The following CHST15 variants were observed in gnomAD, a reference collection of about 807,000 sequenced individuals.
CHST15 encodes carbohydrate sulfotransferase 15, also known as B cell RAG associated protein (GALNAC4S-6ST).
Under a neutral mutation model 53.6 loss-of-function variants are expected in CHST15, and 30 were observed. The observed-to-expected ratio is 0.56, with a 90% CI of 0.42 to 0.76. CHST15 has a LOEUF of 0.76. CHST15 is among the 30% of genes least tolerant of loss of function. The pLI, the probability that CHST15 is intolerant of heterozygous loss-of-function variation, is 0.00. For synonymous variants in CHST15, 296 were observed against 289.8 expected, an observed-to-expected ratio of 1.02 and a Z score of -0.22; for missense variants, 627 against 740.5, an observed-to-expected ratio of 0.85 and a Z score of 1.78.
At chr10:124,070,069 T>C (rs997489467) in intron 1 of CHST15, among the ~76,000 whole-genome samples, 7 of 152,082 alleles carry the variant, frequency 4.6e-5, no homozygotes, top group African/African-American at 1.7e-4. Context: ...GCTGTGTGAG[T>C]GCTTTGTAGA....
At chr10:124,016,190 G>A (rs561907416) in intron 6 of CHST15, among the ~76,000 whole-genome samples, 1 of 152,240 alleles carries the variant, frequency 6.6e-6, no homozygotes, top group East Asian at 1.9e-4. Flanking sequence ...GCTGGCCAGA[G>A]GCAGAGGGGT....
chr10:124,027,033 A>G (rs1419476564), intron 5 of CHST15, among the ~76,000 whole-genome samples: 1 of 152,142 alleles, frequency 6.6e-6, no homozygotes, highest in Non-Finnish European at 1.5e-5. Context: ...CCTCCAGCTG[A>G]GCCACCTCAT....
At chr10:124,020,859 C>A in intron 6 of CHST15, 2 of 1,252,396 alleles carry the variant, frequency 1.6e-6, no homozygotes, top group East Asian at 3.2e-5. Context: ...CATTGAAAAT[C>A]ATTGATGGGT....
intron 2 of CHST15, 98 bp downstream of exon 2, chr10:124,045,569 G>C: frequency 8.3e-7 from 1 of 1,209,316 alleles, no homozygotes; most frequent in Non-Finnish European, 1.2e-6. Flanking sequence ...ACATTTTTTA[G>C]TCATTTTCCT....
chr10:124,019,239 G>A lies in CHST15; in HGVS notation c.1347+2017C>T, dbSNP rs557507927. Among the ~76,000 whole-genome samples the A allele has an allele frequency of 6.6e-6, 1 of 152,224 alleles. No individual in the cohort carries two copies. The highest frequency in any genetic ancestry group is 2.4e-5 in the African/African-American group (1 of 41,524). ...CTGGAAGAAACCACAACCCCACCTT[G>A]AGGCGTCATGCCAGCGCCCCTTTCC... On this transcript the variant is annotated intron_variant, in intron 6 of 7. Coordinates refer to ENST00000435907, the MANE Select transcript of CHST15 (RefSeq NM_001270764.2). This position sits in a 1 kb window ranked among gnomAD's most constrained non-coding sequence, Gnocchi z 4.6.
intron 4 of CHST15, among the ~76,000 whole-genome samples, chr10:124,038,934 CT>C (rs1947631334): frequency 1.3e-5 from 2 of 152,122 alleles, no homozygotes; most frequent in Admixed American, 1.3e-4. Flanking sequence ...GCCCCCACCC[CT>C]GAGCTCCTCT....
intron 5 of CHST15, among the ~76,000 whole-genome samples, chr10:124,027,581 C>T (rs578124550): frequency 1.9e-3 from 282 of 152,296 alleles, no homozygotes; most frequent in Non-Finnish European, 3.3e-3. Flanking sequence ...GATTGCTTTC[C>T]GGGTTTAGTA....
Position 124,045,767 on chromosome 10 carries a change from T to G in CHST15, c.446A>C (p.Tyr149Ser). 6.2e-7 allele frequency: 1 copy of G among 1,614,212 alleles called. No homozygotes were observed. The highest frequency in any genetic ancestry group is 8.5e-7 in the Non-Finnish European group (1 of 1,180,040). The change falls in exon 2 of 8, where the codon TAT (tyrosine) becomes TCT (serine). Residue 149 changes from tyrosine to serine, a missense_variant. Tyr to Ser is a moderately radical substitution (Grantham distance 144). This residue lies in a region of CHST15 where 187 missense variants were observed against 251.8 expected (regional missense o/e 0.74). Coordinates refer to ENST00000435907, the MANE Select transcript of CHST15 (RefSeq NM_001270764.2). Reference protein sequence around the residue: ...SVNNISYMKDYPSIKLIINSI... With the variant: ...SVNNISYMKDSPSIKLIINSI... Reference sequence around the variant, plus strand: ...GTTGATAATTAATTTAATGCTTGGATAGTCCTTCATGTATGAAATATTATT... The same window carrying G: ...GTTGATAATTAATTTAATGCTTGGAGAGTCCTTCATGTATGAAATATTATT...
chr10:124,064,063 C>T (rs1948677322), intron 1 of CHST15, among the ~76,000 whole-genome samples: 1 of 152,182 alleles, frequency 6.6e-6, no homozygotes, highest in Non-Finnish European at 1.5e-5. Flanking sequence ...AGTAACCTCT[C>T]TGAATTAATC....
chr10:124,017,608 C>T (rs923199343), intron 6 of CHST15, among the ~76,000 whole-genome samples: 3 of 152,174 alleles, frequency 2.0e-5, no homozygotes, highest in Non-Finnish European at 2.9e-5. Flanking sequence ...GGGCCTGCCA[C>T]GCTGTGGGTG....
In CHST15 at chr10:124,044,646, G is replaced by A. The variant is rs1947888470; in HGVS notation, c.820C>T (p.Arg274Trp). ...CGTTDLYDRL[R>W]LHPEVKFSAI... is the part of the protein sequence containing the mutation. The stretch of plus-strand genomic sequence containing the variant: ...GAGAACTTGACCTCAGGGTGCAGCC[G>A]CAGGCGGTCATAGAGGTCTGTGGTC... The change falls in exon 3 of 8, where the codon CGG becomes TGG. Residue 274 changes from arginine to tryptophan, a missense_variant. Coordinates refer to ENST00000435907, the MANE Select transcript of CHST15 (RefSeq NM_001270764.2). 4 of 1,604,792 alleles carry A rather than the reference G, an allele frequency of 2.5e-6. No individual in the cohort carries two copies. The highest frequency in any genetic ancestry group is 1.3e-5 in the African/African-American group (1 of 74,366).
In CHST15 at chr10:124,012,514, G is replaced by A. The variant is rs1354491757; in HGVS notation, c.1348-34C>T. 7 of 1,595,004 alleles carry A rather than the reference G, an allele frequency of 4.4e-6. No homozygotes were observed. In the African/African-American group the frequency reaches 9.4e-5, roughly 21 times the overall value. On this transcript the variant is annotated intron_variant, in intron 6 of 7. Coordinates refer to ENST00000435907, the MANE Select transcript of CHST15 (RefSeq NM_001270764.2). ...ACAGAAGAAGGGCATTATTTCAGGA[G>A]CAGTTGCCCCAACACCATAGGGCAC... is the stretch of plus-strand genomic sequence containing the variant.
At chr10:124,086,422 C>G (rs1949426530) in intron 1 of CHST15, among the ~76,000 whole-genome samples, 1 of 152,210 alleles carries the variant, frequency 6.6e-6, no homozygotes, top group South Asian at 2.1e-4. Context: ...GGTTTCTACA[C>G]CATCCCAGGA....
intron 1 of CHST15, among the ~76,000 whole-genome samples, chr10:124,080,483 C>G (rs1382515182): frequency 6.6e-6 from 1 of 152,228 alleles, no homozygotes; most frequent in Non-Finnish European, 1.5e-5. Context: ...CTGCCTGTCT[C>G]TCTCCATGAG....
chr10:124,046,049 A>G lies in CHST15; in HGVS notation c.164T>C (p.Leu55Pro). 5 of 1,614,218 alleles carry G rather than the reference A, an allele frequency of 3.1e-6. No homozygotes were observed. The highest frequency in any genetic ancestry group is 4.2e-6 in the Non-Finnish European group (5 of 1,180,032). Residue 55 changes from leucine to proline, a missense_variant, in exon 2 of 8, where the codon CTT becomes CCT. Leu to Pro is a moderately conservative substitution (Grantham distance 98). This residue lies in a region of CHST15 where 187 missense variants were observed against 251.8 expected (regional missense o/e 0.74). Transcript: ENST00000435907. ...FRVDSKQMNL[L>P]AVLEVRTEGN... ...TTCAGTCCTCACTTCGAGAACAGCA[A>G]GCAAGTTCATCTGCTTACTGTCCAC...
At chr10:124,034,813 C>A (rs559643033) in intron 5 of CHST15, among the ~76,000 whole-genome samples, 1 of 146,544 alleles carries the variant, frequency 6.8e-6, no homozygotes, top group South Asian at 2.3e-4. Context: ...AACGGGGACC[C>A]CGGCTCCGCC....
intron 5 of CHST15, among the ~76,000 whole-genome samples, chr10:124,035,216 CCCCCTAACAGGGACCCTGGCTTCAT>C (rs1947429594): frequency 3.0e-5 from 4 of 134,072 alleles, no homozygotes; most frequent in Admixed American, 7.4e-5. Context: ...CCTGGCTCTA[CCCCCTAACAGGGACCCTGGCTTCAT>C]CCCCTAACAG....
chr10:124,047,002 T>C (rs1297195373), intron 1 of CHST15, among the ~76,000 whole-genome samples: 1 of 152,184 alleles, frequency 6.6e-6, no homozygotes, highest in Non-Finnish European at 1.5e-5. Context: ...ATAGTCTACA[T>C]CTCCCCTAAT....
intron 5 of CHST15, among the ~76,000 whole-genome samples, chr10:124,035,603 G>A (rs1947466441): frequency 6.6e-6 from 1 of 151,110 alleles, no homozygotes; most frequent in Admixed American, 6.6e-5. Context: ...CAGGGCCCAT[G>A]GTTTCATCCC....
Sources: gnomAD v4.1 joint callset for allele counts (sites outside exome capture counted in the v4.1 genomes callset) on GRCh38, gnomAD v4.1.1 for gene constraint, gnomAD v4.1.1 regional missense constraint, Gnocchi (gnomAD v3.1) non-coding constraint, MANE v1.5 for transcripts, NCBI Gene and HGNC (gene_info 2026-07-23, HGNC 2026-07-21) for gene names.